EIF2AK1: variants seen among roughly 807,000 people sequenced by gnomAD.
EIF2AK1 encodes the protein eukaryotic translation initiation factor 2 alpha kinase 1, also known as eukaryotic translation initiation factor 2-alpha kinase 1.
EIF2AK1 carries 54 observed loss-of-function variants against 77.9 expected under a neutral mutation model. The ratio of observed to expected loss-of-function variants is 0.69; its 90% CI spans 0.56 to 0.87. The LOEUF is 0.87. Ranked by LOEUF, EIF2AK1 falls within the 40% of genes least tolerant of loss-of-function variation. The pLI is 0.00. For missense variants in EIF2AK1, 810 were observed against 768.6 expected (o/e 1.05, Z -0.64); for synonymous variants, 314 against 290.5 (o/e 1.08, Z -0.82).
chr7:6,043,720 C>T (rs1788363882), intron 7 of EIF2AK1, among the ~76,000 whole-genome samples: 1 of 151,952 alleles, frequency 6.6e-6, no homozygotes, highest in East Asian at 2.0e-4. Flanking sequence ...AGCCACACTG[C>T]CCCCAGCTAA....
intron 2 of EIF2AK1, 140 bp from the exon 3 acceptor site, chr7:6,050,185 G>T: frequency 1.4e-6 from 1 of 696,820 alleles, no homozygotes; most frequent in Non-Finnish European, 2.2e-6. Context: ...TTATAAACAC[G>T]TTAAACTTGG....
chr7:6,049,559 A>G (rs1438865488), intron 3 of EIF2AK1, among the ~76,000 whole-genome samples: 1 of 152,016 alleles, frequency 6.6e-6, no homozygotes, highest in Non-Finnish European at 1.5e-5. Flanking sequence ...AAACAAAACA[A>G]AACAAAAATA....
Position 6,035,828 on chromosome 7 carries a change from C to T in EIF2AK1, c.1332+1596G>A. 1.3e-6 allele frequency: 2 copies of T among 1,549,164 alleles called. No homozygotes were observed. The highest frequency in any genetic ancestry group is 1.7e-6 in the Non-Finnish European group (2 of 1,145,770). ...CAAACGTCAACTGTGCTGTCTCTTCCACGGGGAACACGCCCCTGAAGCTTG... is the reference window on the plus strand; with the variant it reads ...CAAACGTCAACTGTGCTGTCTCTTCTACGGGGAACACGCCCCTGAAGCTTG... On this transcript the variant is annotated intron_variant, in intron 11 of 14. Transcript: ENST00000199389. This position sits in a 1 kb window ranked among gnomAD's most constrained non-coding sequence, Gnocchi z 5.5.
chr7:6,036,040 T>A lies in EIF2AK1; in HGVS notation c.1332+1384A>T. On this transcript the variant is annotated intron_variant, in intron 11 of 14. Transcript: ENST00000199389. This position sits in a 1 kb window ranked among gnomAD's most constrained non-coding sequence, Gnocchi z 4.6. ...CTCCTGCTTGAATTTGAAGCAAATGTTAACATTTTAACAAGAAACGGGGAA... is the reference window on the plus strand; with the variant it reads ...CTCCTGCTTGAATTTGAAGCAAATGATAACATTTTAACAAGAAACGGGGAA... 2 of 1,551,080 alleles carry A rather than the reference T, an allele frequency of 1.3e-6. No homozygotes were observed. Among genetic ancestry groups the A allele is most frequent in the Non-Finnish European group, 1.7e-6 (2 of 1,147,140 alleles).
At chr7:6,031,243 G>T in intron 11 of EIF2AK1, 1 of 833,388 alleles carries the variant, frequency 1.2e-6, no homozygotes, top group Non-Finnish European at 1.9e-6. Context: ...CAAACTGATG[G>T]ATTGCCTTCA....
At position 6,032,619 on chromosome 7, in the gene EIF2AK1, T is replaced by C. The variant is rs1787948421; in HGVS notation, c.1333-3587A>G. ...GTGTTATTTCTGTTGCCTCAGTAAA[T>C]GTGCATTTCTGTGAAACACAGATTT... On this transcript the variant is annotated intron_variant, in intron 11 of 14. Coordinates refer to ENST00000199389, the MANE Select transcript of EIF2AK1 (RefSeq NM_014413.4). The surrounding 1 kb of genome is among the most constrained non-coding windows in gnomAD (Gnocchi z 4.3). 6.6e-6 allele frequency among the ~76,000 whole-genome samples: 1 copy of C among 152,232 alleles called. No individual in the cohort carries two copies.
At chr7:6,046,876 G>A in intron 5 of EIF2AK1, 116 bp downstream of exon 5, 1 of 973,170 alleles carries the variant, frequency 1.0e-6, no homozygotes. Flanking sequence ...ACTCCAGCCT[G>A]GCGACAGAGC....
chr7:6,031,493 G>C, intron 11 of EIF2AK1: 1 of 1,550,720 alleles, frequency 6.4e-7, no homozygotes, highest in South Asian at 1.2e-5. Flanking sequence ...CATGAGAGAA[G>C]ACTGCACTAC....
intron 2 of EIF2AK1, among the ~76,000 whole-genome samples, chr7:6,051,704 A>C (rs571757019): frequency 1.3e-5 from 2 of 151,940 alleles, no homozygotes; most frequent in Admixed American, 6.6e-5. Flanking sequence ...CTAGGATTAC[A>C]GGCGTGAGCC....
intron 1 of EIF2AK1, chr7:6,058,307 C>A: frequency 2.7e-6 from 1 of 370,504 alleles, no homozygotes; most frequent in South Asian, 2.0e-5. Context: ...GTCCCAGCTA[C>A]TCGGGAGGCT....
Position 6,033,080 on chromosome 7 carries a change from C to A in EIF2AK1, c.1333-4048G>T. 1 of 610,216 alleles carries A rather than the reference C, an allele frequency of 1.6e-6. No individual in the cohort carries two copies. The highest frequency in any genetic ancestry group is 2.8e-6 in the Non-Finnish European group (1 of 362,918). 37.8% of individuals were successfully genotyped at this position (610,216 alleles called of 1,614,324 possible). ...ACTTCCTGGGTTCAAGAGCTTCTCCCACCTCAGCCTCCCGAGTAGCTGGGA... is the reference window on the plus strand; with the variant it reads ...ACTTCCTGGGTTCAAGAGCTTCTCCAACCTCAGCCTCCCGAGTAGCTGGGA... On this transcript the variant is annotated intron_variant, in intron 11 of 14. Transcript: ENST00000199389. The surrounding 1 kb of genome is among the most constrained non-coding windows in gnomAD (Gnocchi z 4.4).
Position 6,033,714 on chromosome 7 carries a change from C to G in EIF2AK1, c.1332+3710G>C, listed in dbSNP as rs1336214197. On this transcript the variant is annotated intron_variant, in intron 11 of 14. Coordinates refer to ENST00000199389, the MANE Select transcript of EIF2AK1 (RefSeq NM_014413.4). This position sits in a 1 kb window ranked among gnomAD's most constrained non-coding sequence, Gnocchi z 4.4. ...CCTCCCAAGTAGCTGGGACTACAGG[C>G]GCCTGCCACCACGCCTGGCTAATTT... Among the ~76,000 whole-genome samples the G allele has an allele frequency of 6.6e-6, 1 of 151,980 alleles. No individual in the cohort carries two copies. The highest frequency in any genetic ancestry group is 2.4e-5 in the African/African-American group (1 of 41,396).
chr7:6,041,797 C>T (rs1473856119), intron 8 of EIF2AK1, among the ~76,000 whole-genome samples: 2 of 149,078 alleles, frequency 1.3e-5, no homozygotes, highest in African/African-American at 2.5e-5. Flanking sequence ...GCCAAGATTG[C>T]GCCACTGCAC....
At position 6,046,052 on chromosome 7, in the gene EIF2AK1, T is replaced by C. The variant is rs368698457; in HGVS notation, c.630+19A>G. The C allele has an allele frequency of 1.0e-5, 15 of 1,451,312 alleles. No homozygotes were observed. The African/African-American group carries it at 2.2e-4, about 21-fold the overall frequency. The allele number at this position is 1,451,312 out of a possible 1,614,324, so 89.9% of individuals were successfully genotyped here. A position where few individuals can be genotyped will look rare whatever the true frequency, so the allele number is the denominator to read the frequency against. ...TAAATACACAATTATTCAAAATAAG[T>C]AATTTTTAAAAATCATACCTTCATG... On this transcript the variant is annotated intron_variant, in intron 6 of 14. Coordinates refer to ENST00000199389, the MANE Select transcript of EIF2AK1 (RefSeq NM_014413.4).
chr7:6,035,814 T>C lies in EIF2AK1; in HGVS notation c.1332+1610A>G. 6.5e-7 allele frequency: 1 copy of C among 1,550,192 alleles called. No homozygotes were observed. On this transcript the variant is annotated intron_variant, in intron 11 of 14. Transcript: ENST00000199389. The surrounding 1 kb of genome is among the most constrained non-coding windows in gnomAD (Gnocchi z 5.5). ...CATTGCCTATGGAGCAAACGTCAAC[T>C]GTGCTGTCTCTTCCACGGGGAACAC...
At chr7:6,055,999 A>C (rs1365352389) in intron 1 of EIF2AK1, among the ~76,000 whole-genome samples, 2 of 146,770 alleles carry the variant, frequency 1.4e-5, no homozygotes, top group Admixed American at 6.9e-5. Flanking sequence ...AAAAAAAAAA[A>C]AAAAAAAAAC....
chr7:6,028,671 C>A lies in EIF2AK1; in HGVS notation c.1474G>T (p.Gly492Cys). 6.2e-7 allele frequency: 1 copy of A among 1,614,192 alleles called. No individual in the cohort carries two copies. The highest frequency in any genetic ancestry group is 1.3e-5 in the African/African-American group (1 of 75,060). The change falls in exon 13 of 15, where the codon GGT becomes TGT. Residue 492 changes from glycine to cysteine, a missense_variant. Around this residue, in one of 3 missense-constraint regions of EIF2AK1, gnomAD observed 549 missense variants for 533.7 expected, o/e 1.03. Transcript: ENST00000199389. ...KRTPTHTSRV[G>C]TCLYASPEQL... ...TCGGGTGAAGCGTACAGACAAGTAC[C>A]CACTCTGGACGTATGTGTTGGTGTT... is the stretch of plus-strand genomic sequence containing the variant.
In EIF2AK1 at chr7:6,059,055, T is replaced by G. The variant is rs548248191; in HGVS notation, c.29A>C (p.Lys10Thr). 6.7e-7 allele frequency: 1 copy of G among 1,492,688 alleles called. No individual in the cohort carries two copies. The highest frequency in any genetic ancestry group is 1.3e-5 in the South Asian group (1 of 77,990). 92.5% of individuals were successfully genotyped at this position (1,492,688 alleles called of 1,614,324 possible). A position where few individuals can be genotyped will look rare whatever the true frequency, so the allele number is the denominator to read the frequency against. The change falls in exon 1 of 15, where the codon AAG (lysine) becomes ACG (threonine). Residue 10 changes from lysine (K) to threonine (T), a missense_variant. This residue lies in a region of EIF2AK1 where 246 missense variants were observed against 199.0 expected (regional missense o/e 1.24). Transcript: ENST00000199389. ...AGCCCCGTCGCCCTCCTCTTCGCGC[T>G]TGCGGACCCCGGAGTTGCCCCCCTG... MQGGNSGVRKREEEGDGAGA... is the reference protein window; with the variant it reads MQGGNSGVRTREEEGDGAGA...
At chr7:6,044,017 T>C (rs1232300632) in intron 7 of EIF2AK1, among the ~76,000 whole-genome samples, 1 of 151,148 alleles carries the variant, frequency 6.6e-6, no homozygotes, top group Non-Finnish European at 1.5e-5. Context: ...AAGAATCACT[T>C]AAGCCCAGGA....
Sources: gnomAD v4.1 joint callset for allele counts (sites outside exome capture counted in the v4.1 genomes callset) on GRCh38, gnomAD v4.1.1 for gene constraint, gnomAD v4.1.1 regional missense constraint, Gnocchi (gnomAD v3.1) non-coding constraint, MANE v1.5 for transcripts, NCBI Gene and HGNC (gene_info 2026-07-23, HGNC 2026-07-21) for gene names.